FAM135B: variants seen among roughly 807,000 people sequenced by gnomAD.
FAM135B encodes family with sequence similarity 135 member B, also known as protein FAM135B.
A neutral mutation model predicts 127.7 loss-of-function variants in FAM135B; 43 were observed. The ratio of observed to expected loss-of-function variants is 0.34; its 90% confidence interval spans 0.26 to 0.43. The LOEUF is 0.43. Among genes scored for constraint, FAM135B ranks in the 20% least tolerant of loss-of-function variants. FAM135B has a pLI of 1.00. For synonymous variants in FAM135B, 670 were observed against 665.1 expected, an observed-to-expected ratio of 1.01 and a Z score of -0.11; for missense variants, 1,558 against 1,725.6, an observed-to-expected ratio of 0.90 and a Z score of 1.72.
rs1248103692 is a variant in FAM135B at position 138,151,378 on chromosome 8, A to G, written c.3097T>C (p.Leu1033=). 11 of 1,613,652 alleles carry G rather than the reference A, an allele frequency of 6.8e-6. No individual in the cohort carries two copies. The highest frequency in any genetic ancestry group is 8.5e-7 in the Non-Finnish European group (1 of 1,179,868). ...DSLKAVEVVN[L]SVSCTATCLP... is the part of the protein sequence containing the mutation. ...CAGGTGGCAGTGCAAGACACAGATA[A>G]GTTCACAACCTCCACAGCCTTCAGG... Residue 1033 remains leucine, a synonymous_variant, in exon 13 of 20, where the codon TTA becomes CTA. Transcript: ENST00000395297.
At chr8:138,487,172 C>T (rs1471746949) in intron 1 of FAM135B, among the ~76,000 whole-genome samples, 1 of 152,126 alleles carries the variant, frequency 6.6e-6, no homozygotes, top group Non-Finnish European at 1.5e-5. Context: ...CCCTGTCTCA[C>T]TAATACTCAG....
chr8:138,460,211 G>C (rs1406860382), intron 1 of FAM135B, among the ~76,000 whole-genome samples: 1 of 152,174 alleles, frequency 6.6e-6, no homozygotes, highest in Non-Finnish European at 1.5e-5. Flanking sequence ...TGCAGATGAG[G>C]ACGCTGAGGC....
chr8:138,173,653 A>C (rs1814129559), intron 11 of FAM135B, among the ~76,000 whole-genome samples: 2 of 152,238 alleles, frequency 1.3e-5, no homozygotes, highest in Admixed American at 6.5e-5. Context: ...TATTGGCACC[A>C]GGTAAAATGC....
chr8:138,476,202 G>A (rs1298104656), intron 1 of FAM135B, among the ~76,000 whole-genome samples: 1 of 152,140 alleles, frequency 6.6e-6, no homozygotes, highest in African/African-American at 2.4e-5. Flanking sequence ...GTTGCCAAGG[G>A]TCTGGGGGGA....
chr8:138,392,835 T>C (rs1437569201), intron 1 of FAM135B, among the ~76,000 whole-genome samples: 1 of 152,184 alleles, frequency 6.6e-6, no homozygotes, highest in Non-Finnish European at 1.5e-5. Context: ...GTACTTCCAC[T>C]CCAGCCTATG....
chr8:138,337,661 A>G (rs1828708107), intron 2 of FAM135B, among the ~76,000 whole-genome samples: 1 of 152,118 alleles, frequency 6.6e-6, no homozygotes, highest in Admixed American at 6.5e-5. Context: ...AAGAATCAAT[A>G]TTGTGAAAAT....
In FAM135B at chr8:138,152,893, T is replaced by C. The variant is rs1338405590; in HGVS notation, c.1582A>G (p.Thr528Ala). 5.6e-6 allele frequency: 9 copies of C among 1,614,102 alleles called. No homozygotes were observed. The Admixed American group carries it at 1.0e-4, about 18-fold the overall frequency. The change falls in exon 13 of 20, where the codon ACA becomes GCA. Residue 528 changes from threonine to alanine, a missense_variant. Physicochemically the swap from Thr to Ala is moderately conservative, Grantham distance 58. Around this residue, in one of 5 missense-constraint regions of FAM135B, gnomAD observed 923 missense variants for 865.3 expected, o/e 1.07. Coordinates refer to ENST00000395297, the MANE Select transcript of FAM135B (RefSeq NM_015912.4). The stretch of plus-strand genomic sequence containing the variant: ...GTATCCACATCTGCCACTGGATATG[T>C]CCCAGCATCAGATGTTTGGCCAGTC... ...CWTGQTSDAGTYPVADVDTSR... is the reference protein window; with the variant it reads ...CWTGQTSDAGAYPVADVDTSR...
At chr8:138,447,071 C>T (rs1490101000) in intron 1 of FAM135B, among the ~76,000 whole-genome samples, 2 of 151,292 alleles carry the variant, frequency 1.3e-5, no homozygotes, top group African/African-American at 2.4e-5. Context: ...TCATCACTGG[C>T]CATCAGAGAA....
At chr8:138,292,193 T>C (rs557300357) in intron 3 of FAM135B, among the ~76,000 whole-genome samples, 1 of 152,180 alleles carries the variant, frequency 6.6e-6, no homozygotes, top group South Asian at 2.1e-4. Flanking sequence ...AATAAAATAC[T>C]TAGGGACAAA....
At chr8:138,457,600 C>T (rs901034846) in intron 1 of FAM135B, among the ~76,000 whole-genome samples, 2 of 152,152 alleles carry the variant, frequency 1.3e-5, no homozygotes, top group African/African-American at 2.4e-5. Flanking sequence ...AACTGACATT[C>T]GTGTTTCACT....
At chr8:138,162,154 C>A (rs906885819) in intron 12 of FAM135B, among the ~76,000 whole-genome samples, 1 of 152,182 alleles carries the variant, frequency 6.6e-6, no homozygotes, top group Non-Finnish European at 1.5e-5. Flanking sequence ...TAACAGTGAA[C>A]CAGGCTCTGC....
intron 1 of FAM135B, chr8:138,439,233 G>T (rs1258037663): frequency 6.6e-6 from 1 of 152,184 alleles, no homozygotes; most frequent in Non-Finnish European, 1.5e-5. Context: ...AGGTTACAAA[G>T]AACCTGCATG....
chr8:138,152,428 T>C lies in FAM135B; in HGVS notation c.2047A>G (p.Ile683Val), dbSNP rs765899273. The C allele has an allele frequency of 1.9e-6, 3 of 1,614,178 alleles. No individual in the cohort carries two copies. The South Asian group carries it at 3.3e-5, about 18-fold the overall frequency. Residue 683 changes from isoleucine to valine, a missense_variant, in exon 13 of 20, where the codon ATA (isoleucine) becomes GTA (valine). Transcript: ENST00000395297. ...SGVIKRSSSI[I>V]SDSGIESEPS... ...TCACTCTCAATGCCTGAATCAGATA[T>C]GATGGATGAAGATCTCTTGATGACC... is the stretch of plus-strand genomic sequence containing the variant.
chr8:138,421,050 G>T lies in FAM135B; in HGVS notation c.-19-53048C>A, dbSNP rs186184744. Among the ~76,000 whole-genome samples the T allele has an allele frequency of 2.0e-4, 30 of 152,314 alleles. No homozygotes were observed. In the East Asian group the frequency reaches 3.9e-3, roughly 20 times the overall value. ...ATCCAGGCTGGGTGCAGTGGCTCAC[G>T]CCTGTAATCCCAGCACTTTGGGAGG... On this transcript the variant is annotated intron_variant, in intron 1 of 19. Transcript: ENST00000395297.
chr8:138,164,475 A>G (rs1056097370), intron 12 of FAM135B, among the ~76,000 whole-genome samples: 9 of 152,186 alleles, frequency 5.9e-5, no homozygotes, highest in African/African-American at 2.2e-4. Flanking sequence ...GAGGCCCCCA[A>G]AATCACTAAG....
chr8:138,418,013 G>A (rs1834264852), intron 1 of FAM135B, among the ~76,000 whole-genome samples: 1 of 152,042 alleles, frequency 6.6e-6, no homozygotes, highest in Admixed American at 6.6e-5. Flanking sequence ...TCAAGTTTCA[G>A]GAGAAAGTTG....
intron 2 of FAM135B, among the ~76,000 whole-genome samples, chr8:138,332,028 T>C (rs1828217550): frequency 6.6e-6 from 1 of 152,202 alleles, no homozygotes; most frequent in Non-Finnish European, 1.5e-5. Flanking sequence ...GAACTACTTA[T>C]GTTATGAAAC....
chr8:138,346,554 A>G lies in FAM135B; in HGVS notation c.77+21353T>C, dbSNP rs547818193. Among the ~76,000 whole-genome samples, 3 of 152,334 alleles carry G rather than the reference A, an allele frequency of 2.0e-5. No homozygotes were observed. In the East Asian group the frequency reaches 5.8e-4, roughly 29 times the overall value. On this transcript the variant is annotated intron_variant, in intron 2 of 19. Transcript: ENST00000395297. Reference sequence around the variant, plus strand: ...GAGCTGGAAGCTGTTATCCTCAGCAAACTAACACAGAAATAGAAAATCAGA... The same window carrying G: ...GAGCTGGAAGCTGTTATCCTCAGCAGACTAACACAGAAATAGAAAATCAGA...
chr8:138,398,876 T>C (rs1273540082), intron 1 of FAM135B, among the ~76,000 whole-genome samples: 16 of 152,170 alleles, frequency 1.1e-4, no homozygotes, highest in Non-Finnish European at 2.9e-5. Flanking sequence ...TTTCCCCTAA[T>C]ACAGAATCTG....
Sources: allele counts gnomAD v4.1 joint callset (sites outside exome capture counted in the v4.1 genomes callset), GRCh38; gene constraint gnomAD v4.1.1; regional missense constraint gnomAD v4.1.1; transcripts MANE v1.5; gene names NCBI Gene and HGNC (gene_info 2026-07-23, HGNC 2026-07-21).